Variants in GALNT9 observed in about 807,000 individuals in gnomAD.
GALNT9 encodes the protein polypeptide N-acetylgalactosaminyltransferase 9.
A neutral mutation model predicts 63.1 loss-of-function variants in GALNT9; 47 were observed. That is an observed-to-expected ratio of 0.75 (90% CI 0.59 to 0.95). GALNT9 has a LOEUF of 0.95. GALNT9 is among the 40% of genes least tolerant of loss of function. The probability of loss-of-function intolerance (pLI) is 0.00; values close to 1 mark genes in which losing one functional copy is unlikely to be tolerated. For synonymous variants in GALNT9, 396 were observed against 365.7 expected (o/e 1.08, Z -0.94); for missense variants, 829 against 874.8 (o/e 0.95, Z 0.66).
At chr12:132,305,383 GGGCACAT>G (rs1881557160) in intron 1 of GALNT9, among the ~76,000 whole-genome samples, 1 of 42,096 alleles carries the variant, frequency 2.4e-5, no homozygotes, top group Non-Finnish European at 4.2e-5. Context: ...ACCCTCACCC[GGGCACAT>G]CCTCACCGGG....
chr12:132,254,251 C>T (rs1049200340), intron 5 of GALNT9, among the ~76,000 whole-genome samples: 1 of 152,170 alleles, frequency 6.6e-6, no homozygotes, highest in Non-Finnish European at 1.5e-5. Flanking sequence ...TCAGGTGATC[C>T]ACCCGCCTCG....
At position 132,268,936 on chromosome 12, in the gene GALNT9, G is replaced by C. The variant is rs969526670; in HGVS notation, c.420-6311C>G. ...CGCCCACGTGTGGCGGGTGGGGACG[G>C]GAGGTGGCGCAGCTGCTTGGAAAAC... On this transcript the variant is annotated intron_variant, in intron 2 of 10. Coordinates refer to ENST00000328957, the MANE Select transcript of GALNT9 (RefSeq NM_001122636.2). 6.6e-5 allele frequency among the ~76,000 whole-genome samples: 10 copies of C among 152,316 alleles called. No individual in the cohort carries two copies. In the South Asian group the frequency reaches 1.7e-3, roughly 25 times the overall value.
At chr12:132,198,017 C>T in intron 9 of GALNT9, 58 bp from the exon 10 acceptor site, 12 of 1,429,010 alleles carry the variant, frequency 8.4e-6, no homozygotes, top group Non-Finnish European at 1.1e-5. Flanking sequence ...CCCCAGTGAG[C>T]ACTGACAGGC....
intron 6 of GALNT9, among the ~76,000 whole-genome samples, chr12:132,224,638 CCAGCG>C: frequency 1.1e-5 from 1 of 91,240 alleles, no homozygotes; most frequent in Non-Finnish European, 2.3e-5. Context: ...TATACACACC[CCAGCG>C]TACATACACA....
At chr12:132,237,617 C>T (rs1878053140) in intron 6 of GALNT9, among the ~76,000 whole-genome samples, 1 of 152,148 alleles carries the variant, frequency 6.6e-6, no homozygotes, top group African/African-American at 2.4e-5. Context: ...CACACCTGCT[C>T]ACACCACACA....
chr12:132,218,186 T>C lies in GALNT9; in HGVS notation c.1078-14496A>G, dbSNP rs554663813. ...TCTGCATTAGTCCCTAGAACCAGCA[T>C]GACTCTGTCTGGGCGCTGTGCAAAG... is the stretch of plus-strand genomic sequence containing the variant. On this transcript the variant is annotated intron_variant, in intron 6 of 10. Coordinates refer to ENST00000328957, the MANE Select transcript of GALNT9 (RefSeq NM_001122636.2). Among the ~76,000 whole-genome samples, 12 of 152,342 alleles carry C rather than the reference T, an allele frequency of 7.9e-5. No individual in the cohort carries two copies. In the East Asian group the frequency reaches 2.1e-3, roughly 27 times the overall value.
chr12:132,219,407 C>G (rs1203543820), intron 6 of GALNT9, among the ~76,000 whole-genome samples: 1 of 152,196 alleles, frequency 6.6e-6, no homozygotes, highest in African/African-American at 2.4e-5. Flanking sequence ...TCATGAGGAG[C>G]AGAAGCCGGC....
intron 6 of GALNT9, among the ~76,000 whole-genome samples, chr12:132,233,351 G>A (rs1877918498): frequency 5.1e-5 from 1 of 19,590 alleles, no homozygotes; most frequent in Non-Finnish European, 9.2e-5. Context: ...AGGAGACAGC[G>A]TGGAGCCCCT....
chr12:132,224,857 CTGTAA>C (rs1408854172), intron 6 of GALNT9, among the ~76,000 whole-genome samples: 4 of 146,424 alleles, frequency 2.7e-5, no homozygotes, highest in African/African-American at 1.0e-4. Flanking sequence ...ACTCCACACA[CTGTAA>C]TGTACACACC....
chr12:132,248,418 A>T (rs1593084054), intron 5 of GALNT9, among the ~76,000 whole-genome samples: 1 of 152,290 alleles, frequency 6.6e-6, no homozygotes, highest in East Asian at 1.9e-4. Context: ...GGCTGCAGTG[A>T]GCTGGTATTG....
At position 132,247,895 on chromosome 12, in the gene GALNT9, CG is replaced by C. The variant is rs1183370231; in HGVS notation, c.1077+14del. ...TCGCCCTCACCCTGTCCCTGGACAC[CG>C]GGGCCGCACTCACCCTCATGCCCAG... On this transcript the variant is annotated intron_variant, in intron 6 of 10. Coordinates refer to ENST00000328957, the MANE Select transcript of GALNT9 (RefSeq NM_001122636.2). 18 of 1,550,952 alleles carry C rather than the reference CG, an allele frequency of 1.2e-5. 1 individual carries two copies. In the Admixed American group the frequency reaches 2.9e-4, roughly 25 times the overall value.
intron 4 of GALNT9, among the ~76,000 whole-genome samples, chr12:132,260,516 G>A (rs1421902289): frequency 6.6e-6 from 1 of 152,234 alleles, no homozygotes; most frequent in African/African-American, 2.4e-5. Context: ...TCCAGTGACT[G>A]AGCAGGGCCT....
chr12:132,213,047 G>T (rs1452991544), intron 6 of GALNT9, among the ~76,000 whole-genome samples: 1 of 134,762 alleles, frequency 7.4e-6, no homozygotes, highest in African/African-American at 2.8e-5. Context: ...CCTCGACACG[G>T]AAACCCCACC....
rs1868684222 is a variant in GALNT9, at chr12:132,319,586, C to T, written c.238+9380G>A. 2.0e-5 allele frequency among the ~76,000 whole-genome samples: 3 copies of T among 152,152 alleles called. No homozygotes were observed. Among genetic ancestry groups the T allele is most frequent in the Non-Finnish European group, 4.4e-5 (3 of 68,028 alleles). On this transcript the variant is annotated intron_variant, in intron 1 of 10. Transcript: ENST00000328957. The surrounding 1 kb of genome is among the most constrained non-coding windows in gnomAD (Gnocchi z 5.2). ...CCTCACCCTACATCTCCTCTTGGGT[C>T]TCTCTCTATCCGCCGGCTCCTTTCC...
At chr12:132,299,937 A>T (rs1881228844) in intron 1 of GALNT9, among the ~76,000 whole-genome samples, 1 of 144,386 alleles carries the variant, frequency 6.9e-6, no homozygotes, top group Non-Finnish European at 1.5e-5. Context: ...CACTGCTGAG[A>T]TAACCCACTC....
At chr12:132,256,065 C>T (rs1412279059) in intron 5 of GALNT9, among the ~76,000 whole-genome samples, 1 of 152,174 alleles carries the variant, frequency 6.6e-6, no homozygotes, top group African/African-American at 2.4e-5. Flanking sequence ...TTAAAATCAA[C>T]TTTGAGGGGT....
intron 5 of GALNT9, among the ~76,000 whole-genome samples, chr12:132,255,038 G>C (rs536068122): frequency 3.9e-5 from 6 of 152,196 alleles, no homozygotes; most frequent in Non-Finnish European, 2.9e-5. Flanking sequence ...AAGTGAAAAT[G>C]ATTAAGTATT....
intron 6 of GALNT9, among the ~76,000 whole-genome samples, chr12:132,220,677 C>T (rs188491098): frequency 5.4e-4 from 82 of 152,268 alleles, no homozygotes; most frequent in Middle Eastern, 3.4e-3. Context: ...AAGGAGACAT[C>T]GGCAACCCTG....
chr12:132,250,681 C>T (rs1878879073), intron 5 of GALNT9, among the ~76,000 whole-genome samples: 1 of 152,240 alleles, frequency 6.6e-6, no homozygotes, highest in Non-Finnish European at 1.5e-5. Flanking sequence ...ATCCCAGCTA[C>T]TCGGGAGGCT....
Sources: gnomAD v4.1 joint callset for allele counts (sites outside exome capture counted in the v4.1 genomes callset) on GRCh38, gnomAD v4.1.1 for gene constraint, Gnocchi (gnomAD v3.1) non-coding constraint, MANE v1.5 for transcripts, NCBI Gene and HGNC (gene_info 2026-07-23, HGNC 2026-07-21) for gene names.